The following NF1 variants were observed in gnomAD, a reference collection of about 807,000 sequenced individuals.
The protein encoded by NF1 is neurofibromin 1.
Under a neutral mutation model 325.7 loss-of-function variants are expected in NF1, and 122 were observed. That is an observed-to-expected ratio of 0.37 (90% CI 0.32 to 0.44). The LOEUF (loss-of-function observed/expected upper bound fraction) is 0.44. Among genes scored for constraint, NF1 ranks in the 20% least tolerant of loss-of-function variants. The pLI, the probability that NF1 is intolerant of heterozygous loss-of-function variation, is 1.00. For synonymous variants in NF1, 1,091 were observed against 1,186.0 expected, an observed-to-expected ratio of 0.92 and a Z score of 1.65; for missense variants, 2,140 against 3,415.4, an observed-to-expected ratio of 0.63 and a Z score of 9.31.
chr17:31,141,960 G>A (rs1172417025), intron 1 of NF1, among the ~76,000 whole-genome samples: 3 of 152,098 alleles, frequency 2.0e-5, no homozygotes, highest in African/African-American at 4.8e-5. Flanking sequence ...TCTCATTTAG[G>A]TGAAAACTTA....
chr17:31,288,204 AAGTGGG>A (rs1176368521), intron 36 of NF1, among the ~76,000 whole-genome samples: 1 of 152,136 alleles, frequency 6.6e-6, no homozygotes, highest in South Asian at 2.1e-4. Flanking sequence ...AGATAAGGAT[AAGTGGG>A]TATGTTGAGC....
chr17:31,169,620 A>G (rs1358548277), intron 4 of NF1, among the ~76,000 whole-genome samples: 1 of 152,070 alleles, frequency 6.6e-6, no homozygotes, highest in African/African-American at 2.4e-5. Context: ...ATCACAGCTC[A>G]TTGCAGCTTC....
intron 1 of NF1, among the ~76,000 whole-genome samples, chr17:31,111,130 G>A (rs1363634156): frequency 6.6e-6 from 1 of 151,696 alleles, no homozygotes; most frequent in Non-Finnish European, 1.5e-5. Flanking sequence ...TCATTGTACC[G>A]GTTCAGTAGC....
chr17:31,140,989 G>C (rs183464991), intron 1 of NF1, among the ~76,000 whole-genome samples: 10 of 152,264 alleles, frequency 6.6e-5, no homozygotes, highest in Admixed American at 6.5e-4. Context: ...TAAAATAGCA[G>C]ATATATAGAA....
At position 31,150,409 on chromosome 17, in the gene NF1, TC is replaced by T. The variant is rs1375499591; in HGVS notation, c.61-5573del. ...CCACCAGTACAATTTGTGTTTTTGT[TC>T]TGGTGGTTACCATTATATTAATACC... On this transcript the variant is annotated intron_variant, in intron 1 of 57. Coordinates refer to ENST00000358273, the MANE Select transcript of NF1 (RefSeq NM_001042492.3). Among the ~76,000 whole-genome samples, 3 of 152,184 alleles carry T rather than the reference TC, an allele frequency of 2.0e-5. No individual in the cohort carries two copies. The East Asian group carries it at 5.8e-4, about 29-fold the overall frequency.
chr17:31,282,523 C>T (rs749674989), intron 36 of NF1, among the ~76,000 whole-genome samples: 1 of 152,150 alleles, frequency 6.6e-6, no homozygotes, highest in Non-Finnish European at 1.5e-5. Context: ...CTCCTGCCCC[C>T]CCTCAGCCCC....
chr17:31,229,675 T>C, intron 21 of NF1, 160 bp from the exon 22 acceptor site: 1 of 1,009,804 alleles, frequency 9.9e-7, no homozygotes, highest in Non-Finnish European at 1.6e-6. Flanking sequence ...ACGTGCCCTG[T>C]GTATGGGTAC....
At position 31,127,893 on chromosome 17, in the gene NF1, T is replaced by C. The variant is rs371590259; in HGVS notation, c.61-28090T>C. 4.6e-5 allele frequency among the ~76,000 whole-genome samples: 7 copies of C among 152,114 alleles called. No individual in the cohort carries two copies. In the South Asian group the frequency reaches 1.4e-3, roughly 31 times the overall value. On this transcript the variant is annotated intron_variant, in intron 1 of 57. Coordinates refer to ENST00000358273, the MANE Select transcript of NF1 (RefSeq NM_001042492.3). ...TTAATGTTGAATAGGGGAGATGACA[T>C]TGGGAAGCTATGTGTTGTTTTTAAT...
intron 36 of NF1, chr17:31,305,648 T>G (rs2068699941): frequency 1.8e-5 from 28 of 1,570,334 alleles, no homozygotes; most frequent in Non-Finnish European, 2.2e-5. Flanking sequence ...GGGTTTATAA[T>G]GAAAGAGAAA....
At chr17:31,153,436 G>A (rs969742730) in intron 1 of NF1, among the ~76,000 whole-genome samples, 4 of 152,066 alleles carry the variant, frequency 2.6e-5, no homozygotes, top group African/African-American at 7.3e-5. Flanking sequence ...TTTATCATAG[G>A]CCTTTTTCAT....
At chr17:31,138,690 T>C (rs915306720) in intron 1 of NF1, among the ~76,000 whole-genome samples, 2 of 151,512 alleles carry the variant, frequency 1.3e-5, no homozygotes, top group African/African-American at 4.9e-5. Flanking sequence ...GCCTCCCAGG[T>C]TCACGCAATT....
intron 1 of NF1, among the ~76,000 whole-genome samples, chr17:31,135,217 T>TG (rs1915677056): frequency 6.6e-6 from 1 of 152,218 alleles, no homozygotes; most frequent in African/African-American, 2.4e-5. Context: ...TTCTTGCAGA[T>TG]GTGTCAGTTT....
At chr17:31,230,438 G>A (rs2151431901) in intron 23 of NF1, 56 bp downstream of exon 23, 4 of 1,602,230 alleles carry the variant, frequency 2.5e-6, no homozygotes, top group Non-Finnish European at 3.4e-6. Flanking sequence ...GTCCAATGAA[G>A]TACAGAAAAA....
intron 1 of NF1, among the ~76,000 whole-genome samples, chr17:31,114,200 A>G (rs932995036): frequency 6.6e-6 from 1 of 152,162 alleles, no homozygotes; most frequent in Non-Finnish European, 1.5e-5. Context: ...TCATATTTAT[A>G]ACTACTTCTG....
In NF1 at chr17:31,166,418, AT is replaced by A. The variant is rs2065845544; in HGVS notation, c.479+3043del. On this transcript the variant is annotated intron_variant, in intron 4 of 57. Coordinates refer to ENST00000358273, the MANE Select transcript of NF1 (RefSeq NM_001042492.3). ...TTTTGGAATCCTTGATTGCAAAGTT[AT>A]CTTTAGTGTGGCCTGTATTTTCTTT... Among the ~76,000 whole-genome samples, 6 of 152,214 alleles carry A rather than the reference AT, an allele frequency of 3.9e-5. No homozygotes were observed. The South Asian group carries it at 1.2e-3, about 32-fold the overall frequency.
rs2067193448 is a variant in NF1 at position 31,235,925 on chromosome 17, G to A, written c.3878G>A (p.Gly1293Asp). The change falls in exon 29 of 58, where the codon GGT becomes GAT. Residue 1293 changes from glycine to aspartate, a missense_variant. Coordinates refer to ENST00000358273, the MANE Select transcript of NF1 (RefSeq NM_001042492.3). ...ATTCGTGCATTTCTGTAGGTATATGGTGCTACCTATCTACAAAAACTCCTG... is the reference window on the plus strand; with the variant it reads ...ATTCGTGCATTTCTGTAGGTATATGATGCTACCTATCTACAAAAACTCCTG... ...KIMTFCFKVY[G>D]ATYLQKLLDP... 1 of 1,613,176 alleles carries A rather than the reference G, an allele frequency of 6.2e-7. No individual in the cohort carries two copies. The highest frequency in any genetic ancestry group is 8.5e-7 in the Non-Finnish European group (1 of 1,179,220).
intron 36 of NF1, among the ~76,000 whole-genome samples, chr17:31,312,789 G>A (rs1187493057): frequency 6.6e-6 from 1 of 152,066 alleles, no homozygotes; most frequent in African/African-American, 2.4e-5. Context: ...TTTATTAAGT[G>A]TTGAAATGGG....
chr17:31,352,126 C>T (rs2070161986), intron 50 of NF1, 131 bp from the exon 51 acceptor site: 8 of 802,078 alleles, frequency 1.0e-5, no homozygotes, highest in South Asian at 7.8e-5. Flanking sequence ...ATCCTAAAGC[C>T]CTTTAAAGTG....
intron 36 of NF1, among the ~76,000 whole-genome samples, chr17:31,307,293 A>G (rs1185497428): frequency 1.3e-5 from 2 of 152,208 alleles, no homozygotes; most frequent in Non-Finnish European, 2.9e-5. Context: ...TGCTGGGATT[A>G]CAGGTGTGAG....
Sources: allele counts gnomAD v4.1 joint callset (sites outside exome capture counted in the v4.1 genomes callset), GRCh38; gene constraint gnomAD v4.1.1; transcripts MANE v1.5; gene names NCBI Gene and HGNC (gene_info 2026-07-23, HGNC 2026-07-21).